The following SYN3 variants were observed in gnomAD, a reference collection of about 807,000 sequenced individuals.
SYN3 encodes synapsin III.
SYN3 carries 35 observed loss-of-function variants against 65.8 expected under a neutral mutation model. That is an observed-to-expected ratio of 0.53 (90% CI 0.41 to 0.70). The LOEUF (loss-of-function observed/expected upper bound fraction) is 0.70, where lower values mean the gene tolerates loss of function less well. Ranked by LOEUF, SYN3 falls within the 30% of genes least tolerant of loss-of-function variation. The pLI is 0.00. For synonymous variants in SYN3, 270 were observed against 292.9 expected, an observed-to-expected ratio of 0.92 and a Z score of 0.80; for missense variants, 680 against 749.0, an observed-to-expected ratio of 0.91 and a Z score of 1.08.
chr22:32,548,181 T>G (rs1341949257), intron 7 of SYN3, among the ~76,000 whole-genome samples: 1 of 152,100 alleles, frequency 6.6e-6, no homozygotes, highest in Non-Finnish European at 1.5e-5. Context: ...CCTCCCTCTA[T>G]CCAGAATCCA....
At chr22:33,025,824 C>T (rs142040055) in intron 1 of SYN3, among the ~76,000 whole-genome samples, 11 of 152,318 alleles carry the variant, frequency 7.2e-5, no homozygotes, top group African/African-American at 2.6e-4. Flanking sequence ...CTGAGTGACT[C>T]TCCTGCCCAC....
intron 6 of SYN3, among the ~76,000 whole-genome samples, chr22:32,619,955 C>CAA (rs148298177): frequency 0.014 from 2,132 of 152,338 alleles, 20 homozygotes; most frequent in Middle Eastern, 0.037. Context: ...AGCTGACCTC[C>CAA]AAACACAGGA....
intron 6 of SYN3, among the ~76,000 whole-genome samples, chr22:32,675,970 A>T (rs1208753174): frequency 6.6e-6 from 1 of 151,742 alleles, no homozygotes; most frequent in African/African-American, 2.4e-5. Flanking sequence ...TGTCTTGAAG[A>T]CATTGTTCAG....
At chr22:32,609,096 G>A (rs943970399) in intron 6 of SYN3, among the ~76,000 whole-genome samples, 10 of 151,954 alleles carry the variant, frequency 6.6e-5, no homozygotes, top group African/African-American at 1.9e-4. Context: ...AGGCCGAGGC[G>A]GGTGGATCAC....
In SYN3 at chr22:32,970,201, C is replaced by T. The variant is rs376005158; in HGVS notation, c.369+10444G>A. On this transcript the variant is annotated intron_variant, in intron 3 of 13. Transcript: ENST00000358763. ...CTTATTTCAGTCTCACAACTATATG[C>T]GCACTTACTATTTTATATGAGGAAA... Among the ~76,000 whole-genome samples the T allele has an allele frequency of 2.6e-4, 40 of 152,222 alleles. No homozygotes were observed. In the South Asian group the frequency reaches 6.2e-3, roughly 24 times the overall value.
intron 6 of SYN3, among the ~76,000 whole-genome samples, chr22:32,630,842 T>C (rs2059737490): frequency 6.6e-6 from 1 of 152,236 alleles, no homozygotes; most frequent in South Asian, 2.1e-4. Flanking sequence ...TGTTCCCTAC[T>C]GTTCTATGAG....
At chr22:32,797,252 T>C (rs2046451853) in intron 6 of SYN3, among the ~76,000 whole-genome samples, 1 of 152,162 alleles carries the variant, frequency 6.6e-6, no homozygotes, top group Non-Finnish European at 1.5e-5. Flanking sequence ...AAGGGGTCGG[T>C]GGTGCTGATC....
intron 1 of SYN3, among the ~76,000 whole-genome samples, chr22:33,045,091 C>G (rs1288862398): frequency 6.6e-6 from 1 of 152,194 alleles, no homozygotes; most frequent in Non-Finnish European, 1.5e-5. Flanking sequence ...GATCTGCCCG[C>G]CTTGGCCTCC....
intron 6 of SYN3, among the ~76,000 whole-genome samples, chr22:32,818,739 G>C (rs943958840): frequency 6.6e-6 from 1 of 152,164 alleles, no homozygotes; most frequent in African/African-American, 2.4e-5. Flanking sequence ...GGCCGGCCTA[G>C]GGGGAAAGTC....
At chr22:32,778,205 TC>T (rs1185943635) in intron 6 of SYN3, among the ~76,000 whole-genome samples, 1 of 152,230 alleles carries the variant, frequency 6.6e-6, no homozygotes, top group East Asian at 1.9e-4. Flanking sequence ...CATTAACTTC[TC>T]AGTTTTCATG....
intron 6 of SYN3, among the ~76,000 whole-genome samples, chr22:32,634,927 T>G (rs1014954567): frequency 2.1e-5 from 3 of 144,216 alleles, no homozygotes; most frequent in Admixed American, 1.3e-4. Flanking sequence ...ATGAGATTTT[T>G]TTTGCAACTT....
At chr22:32,858,437 G>T (rs991355848) in intron 6 of SYN3, among the ~76,000 whole-genome samples, 6 of 152,154 alleles carry the variant, frequency 3.9e-5, no homozygotes, top group Non-Finnish European at 7.3e-5. Context: ...GCAGTTCAAG[G>T]CTGGAGGTAT....
chr22:32,984,669 G>C (rs1240553521), intron 2 of SYN3, among the ~76,000 whole-genome samples: 2 of 152,170 alleles, frequency 1.3e-5, no homozygotes, highest in East Asian at 1.9e-4. Context: ...TGTCAAGAGA[G>C]GTGTGGCTAA....
At chr22:32,650,237 C>A (rs1366547439) in intron 6 of SYN3, among the ~76,000 whole-genome samples, 1 of 89,258 alleles carries the variant, frequency 1.1e-5, no homozygotes, top group Non-Finnish European at 1.9e-5. Flanking sequence ...CTCTCTCCCT[C>A]CCTCCCTCCC....
chr22:32,930,103 C>T (rs1035260827), intron 4 of SYN3, among the ~76,000 whole-genome samples: 2 of 152,112 alleles, frequency 1.3e-5, no homozygotes, highest in African/African-American at 4.8e-5. Flanking sequence ...TAAAGAATGG[C>T]TGAATTAGTT....
intron 6 of SYN3, among the ~76,000 whole-genome samples, chr22:32,768,300 C>T (rs1434721072): frequency 6.6e-6 from 1 of 152,178 alleles, no homozygotes; most frequent in Non-Finnish European, 1.5e-5. Flanking sequence ...CATTTCTAGG[C>T]TGCTGGAAAG....
intron 6 of SYN3, among the ~76,000 whole-genome samples, chr22:32,677,011 G>T (rs2060455623): frequency 6.6e-6 from 1 of 152,218 alleles, no homozygotes; most frequent in African/African-American, 2.4e-5. Context: ...ACAATTTGAA[G>T]TCTAATCAGT....
chr22:32,834,147 C>G lies in SYN3; in HGVS notation c.711+30768G>C, dbSNP rs78786422. Among the ~76,000 whole-genome samples the G allele has an allele frequency of 3.2e-3, 492 of 151,808 alleles. 5 individuals carry two copies. The highest frequency in any genetic ancestry group is 0.011 in the African/African-American group (457 of 41,424). ...GTTGGAGGTGTGCTTCAGGGACTAC[C>G]TGAGCCCAGCTTTTTTTTTTTTGAG... On this transcript the variant is annotated intron_variant, in intron 6 of 13. Coordinates refer to ENST00000358763, the MANE Select transcript of SYN3 (RefSeq NM_003490.4).
At chr22:32,942,419 G>A (rs2050968772) in intron 3 of SYN3, among the ~76,000 whole-genome samples, 1 of 152,218 alleles carries the variant, frequency 6.6e-6, no homozygotes, top group Non-Finnish European at 1.5e-5. Flanking sequence ...CAAACAGAAA[G>A]GACATCCACA....
Sources: gnomAD v4.1 joint callset for allele counts (sites outside exome capture counted in the v4.1 genomes callset) on GRCh38, gnomAD v4.1.1 for gene constraint, MANE v1.5 for transcripts, NCBI Gene and HGNC (gene_info 2026-07-23, HGNC 2026-07-21) for gene names.